The following GSE1 variants were observed in gnomAD, a reference collection of about 807,000 sequenced individuals.
GSE1 encodes Gse1 coiled-coil protein.
In GSE1, 32 loss-of-function variants were observed where a neutral mutation model predicts 112.6. The observed-to-expected ratio is 0.28, with a 90% CI of 0.21 to 0.38. GSE1 has a LOEUF of 0.38. Among genes scored for constraint, GSE1 ranks in the 10% least tolerant of loss-of-function variants. GSE1 has a pLI of 1.00. For synonymous variants in GSE1, 1,115 were observed against 735.6 expected (o/e 1.52, Z -8.35); for missense variants, 2,348 against 1,699.2 (o/e 1.38, Z -6.71).
chr16:85,629,853 G>A (rs2049394859), intron 1 of GSE1, among the ~76,000 whole-genome samples: 2 of 152,228 alleles, frequency 1.3e-5, no homozygotes, highest in Admixed American at 1.3e-4. Flanking sequence ...GTGTGGTGAT[G>A]CTGACCGTAT....
rs535688426 is a variant in GSE1, at chr16:85,516,254, C to T, written c.2465-117660C>T. ...GATCTGGTGCCAGCACCTGTGATCT[C>T]AGGACCTTGGGCAGGCTGCTGCTCT... On this transcript the variant is annotated intron_variant, in intron 2 of 2. Transcript: ENST00000637419. 1.9e-4 allele frequency among the ~76,000 whole-genome samples: 29 copies of T among 152,182 alleles called. No homozygotes were observed. The South Asian group carries it at 5.8e-3, about 30-fold the overall frequency.
At position 85,373,224 on chromosome 16, in the gene GSE1, C is replaced by T. The variant is rs1053532514; in HGVS notation, c.2464+15581C>T. Among the ~76,000 whole-genome samples the T allele has an allele frequency of 1.3e-5, 2 of 152,206 alleles. No homozygotes were observed. The highest frequency in any genetic ancestry group is 1.5e-5 in the Non-Finnish European group (1 of 68,024). On this transcript the variant is annotated intron_variant, in intron 2 of 2. Transcript: ENST00000637419. The surrounding 1 kb of genome is among the most constrained non-coding windows in gnomAD (Gnocchi z 5.1). Reference sequence around the variant, plus strand: ...CGCCTGGTAGCAGGCCCAGCTGCCTCGAGGTGCTCCCAGGGATGGATCGCT... The same window carrying T: ...CGCCTGGTAGCAGGCCCAGCTGCCTTGAGGTGCTCCCAGGGATGGATCGCT...
Position 85,179,755 on chromosome 16 carries a change from G to A in GSE1, c.2283+7948G>A, listed in dbSNP as rs184579169. Among the ~76,000 whole-genome samples the A allele has an allele frequency of 3.1e-3, 460 of 149,784 alleles. 3 individuals carry two copies. The highest frequency in any genetic ancestry group is 0.011 in the African/African-American group (442 of 39,254). On this transcript the variant is annotated intron_variant, in intron 1 of 2. Transcript: ENST00000637419. ...GTTTTTGTTCTCCCTGGGATGAGGG[G>A]AGCTGTACTAAGAATTGAGAAGGGG...
chr16:85,436,694 C>T (rs559764580), intron 2 of GSE1, among the ~76,000 whole-genome samples: 10 of 152,334 alleles, frequency 6.6e-5, no homozygotes, highest in African/African-American at 2.4e-4. Context: ...GCCCAAACCC[C>T]GAAGGGCCCG....
rs577797323 is a variant in GSE1 at position 85,402,237 on chromosome 16, A to G, written c.2464+44594A>G. ...GGTGAGATAAGCTGGTGGGTACTGAAGCCAGAGCGGCCTGTCCACCGGGCC... is the reference window on the plus strand; with the variant it reads ...GGTGAGATAAGCTGGTGGGTACTGAGGCCAGAGCGGCCTGTCCACCGGGCC... On this transcript the variant is annotated intron_variant, in intron 2 of 2. Coordinates refer to the GSE1 transcript ENST00000637419. 9.2e-5 allele frequency among the ~76,000 whole-genome samples: 14 copies of G among 152,160 alleles called. No individual in the cohort carries two copies. The South Asian group carries it at 2.9e-3, about 32-fold the overall frequency.
At chr16:85,398,071 A>C (rs2048009466) in intron 2 of GSE1, among the ~76,000 whole-genome samples, 1 of 152,042 alleles carries the variant, frequency 6.6e-6, no homozygotes. Context: ...GGGAAGACGC[A>C]CCTTGGTATT....
At chr16:85,243,577 G>A (rs530957637) in intron 1 of GSE1, among the ~76,000 whole-genome samples, 38 of 152,344 alleles carry the variant, frequency 2.5e-4, no homozygotes, top group Non-Finnish European at 5.0e-4. Context: ...GGAGCCAAGT[G>A]TTGGCCTCTA....
chr16:85,194,938 TA>T (rs2143488188), intron 1 of GSE1, among the ~76,000 whole-genome samples: 1 of 152,224 alleles, frequency 6.6e-6, no homozygotes, highest in Non-Finnish European at 1.5e-5. Flanking sequence ...GGGGCAGTCA[TA>T]GCTCAGCCAG....
chr16:85,482,329 G>A (rs1567524214), intron 2 of GSE1, among the ~76,000 whole-genome samples: 2 of 152,242 alleles, frequency 1.3e-5, no homozygotes, highest in Non-Finnish European at 2.9e-5. Flanking sequence ...CGTGCTTCCT[G>A]GAGGAGGGCG....
intron 2 of GSE1, among the ~76,000 whole-genome samples, chr16:85,455,397 G>A (rs1464350278): frequency 6.6e-6 from 1 of 152,148 alleles, no homozygotes; most frequent in South Asian, 2.1e-4. Flanking sequence ...GAGAGAGAGA[G>A]AGAGAGAAAG....
At chr16:85,321,776 G>A (rs1040495001) in intron 1 of GSE1, among the ~76,000 whole-genome samples, 1 of 151,094 alleles carries the variant, frequency 6.6e-6, no homozygotes, top group African/African-American at 2.4e-5. Flanking sequence ...CTGGGTGACA[G>A]AGTGAGAGCC....
At chr16:85,374,982 A>C (rs1303036990) in intron 2 of GSE1, among the ~76,000 whole-genome samples, 2 of 152,176 alleles carry the variant, frequency 1.3e-5, no homozygotes, top group Non-Finnish European at 2.9e-5. Flanking sequence ...GGTAGAAAAC[A>C]GGGCTGCGGC....
chr16:85,553,807 G>C (rs1285636174), upstream of GSE1, among the ~76,000 whole-genome samples: 2 of 152,190 alleles, frequency 1.3e-5, no homozygotes, highest in Non-Finnish European at 2.9e-5. Context: ...CCTCCAATTT[G>C]CCCTCCGTAG....
chr16:85,290,425 C>G (rs1299184296), intron 1 of GSE1, among the ~76,000 whole-genome samples: 1 of 152,194 alleles, frequency 6.6e-6, no homozygotes, highest in Non-Finnish European at 1.5e-5. Context: ...GTAAGCAGTT[C>G]TCTTTCTGCA....
intron 1 of GSE1, among the ~76,000 whole-genome samples, chr16:85,250,809 C>T (rs538809462): frequency 5.3e-5 from 8 of 152,176 alleles, no homozygotes; most frequent in African/African-American, 1.9e-4. Context: ...GCCCTGCATC[C>T]TCAGCCGTCA....
chr16:85,438,751 T>C (rs538001582), intron 2 of GSE1, among the ~76,000 whole-genome samples: 1 of 152,264 alleles, frequency 6.6e-6, no homozygotes, highest in Admixed American at 6.5e-5. Context: ...ATAAAGTAGG[T>C]GTGAGCACCT....
At chr16:85,435,116 C>T in intron 2 of GSE1, among the ~76,000 whole-genome samples, 1 of 152,134 alleles carries the variant, frequency 6.6e-6, no homozygotes, top group East Asian at 1.9e-4. Context: ...CCCTCCAGCC[C>T]CATAGCCCCG....
At chr16:85,291,447 G>A (rs941595848) in intron 1 of GSE1, among the ~76,000 whole-genome samples, 3 of 152,166 alleles carry the variant, frequency 2.0e-5, no homozygotes, top group African/African-American at 7.2e-5. Flanking sequence ...TACCACCCTC[G>A]GAGGGGACGC....
At chr16:85,238,769 C>T (rs796223754) in intron 1 of GSE1, among the ~76,000 whole-genome samples, 7 of 152,218 alleles carry the variant, frequency 4.6e-5, no homozygotes, top group African/African-American at 1.7e-4. Context: ...TAGGGGGGCT[C>T]CTGTTCTTTC....
Sources: gnomAD v4.1 joint callset for allele counts (sites outside exome capture counted in the v4.1 genomes callset) on GRCh38, gnomAD v4.1.1 for gene constraint, Gnocchi (gnomAD v3.1) non-coding constraint, MANE v1.5 for transcripts, NCBI Gene and HGNC (gene_info 2026-07-23, HGNC 2026-07-21) for gene names.